The following CDH9 variants were observed in gnomAD, a reference collection of about 807,000 sequenced individuals.
The protein encoded by CDH9 is cadherin 9.
In CDH9, 28 loss-of-function variants were observed where a neutral mutation model predicts 70.9. The observed-to-expected ratio is 0.40, with a 90% CI of 0.29 to 0.54. CDH9 has a LOEUF of 0.54. CDH9 is among the 20% of genes least tolerant of loss of function. CDH9 has a pLI of 0.59. For synonymous variants in CDH9, 409 were observed against 343.1 expected, an observed-to-expected ratio of 1.19 and a Z score of -2.12; for missense variants, 874 against 984.4, an observed-to-expected ratio of 0.89 and a Z score of 1.50.
rs796524356 is a variant in CDH9 at position 26,972,875 on chromosome 5, T to C, written c.228+15231A>G. Among the ~76,000 whole-genome samples the C allele has an allele frequency of 9.2e-5, 14 of 152,080 alleles. 1 individual carries two copies. Among genetic ancestry groups the C allele is most frequent in the African/African-American group, 3.4e-4 (14 of 41,492 alleles). On this transcript the variant is annotated intron_variant, in intron 2 of 11. Coordinates refer to ENST00000231021, the MANE Select transcript of CDH9 (RefSeq NM_016279.4). ...TAATAGTAAACTCAGATTTTTTTTTTTTTTTTGAAATGAAGTCTCGCTCTG... is the reference window on the plus strand; with the variant it reads ...TAATAGTAAACTCAGATTTTTTTTTCTTTTTTGAAATGAAGTCTCGCTCTG...
chr5:26,938,468 T>C (rs1222239590), intron 2 of CDH9, among the ~76,000 whole-genome samples: 2 of 151,928 alleles, frequency 1.3e-5, no homozygotes, highest in Non-Finnish European at 2.9e-5. Context: ...ACTATATATA[T>C]AATAGAAAAG....
intron 1 of CDH9, among the ~76,000 whole-genome samples, chr5:27,008,310 T>A (rs1320373910): frequency 6.6e-6 from 1 of 151,944 alleles, no homozygotes; most frequent in South Asian, 2.1e-4. Flanking sequence ...GCCAACATGA[T>A]GAAACCCCAT....
At chr5:26,983,936 T>C (rs1180501911) in intron 2 of CDH9, among the ~76,000 whole-genome samples, 2 of 152,156 alleles carry the variant, frequency 1.3e-5, no homozygotes, top group African/African-American at 4.8e-5. Flanking sequence ...ATATTAATAC[T>C]TAGTGCACAA....
intron 7 of CDH9, among the ~76,000 whole-genome samples, chr5:26,899,815 CT>C (rs1740820617): frequency 6.6e-6 from 1 of 150,828 alleles, no homozygotes; most frequent in African/African-American, 2.4e-5. Flanking sequence ...ACGTGTATAT[CT>C]ATGTAACAAA....
At chr5:27,035,449 A>AATAAAAAT (rs1361701483) in intron 1 of CDH9, among the ~76,000 whole-genome samples, 1 of 151,764 alleles carries the variant, frequency 6.6e-6, no homozygotes, top group Non-Finnish European at 1.5e-5. Context: ...TATGTTCTAC[A>AATAAAAAT]ATAAAAATGA....
chr5:26,990,370 A>G (rs1180812872), intron 1 of CDH9, among the ~76,000 whole-genome samples: 1 of 152,188 alleles, frequency 6.6e-6, no homozygotes, highest in African/African-American at 2.4e-5. Flanking sequence ...TAATGCAAAC[A>G]TATGGTTACA....
intron 1 of CDH9, among the ~76,000 whole-genome samples, chr5:27,008,049 A>G (rs565012056): frequency 6.6e-6 from 1 of 152,230 alleles, no homozygotes; most frequent in East Asian, 1.9e-4. Context: ...CTGAATGAAC[A>G]GTAAACCTGG....
At chr5:26,963,507 T>G (rs1742075189) in intron 2 of CDH9, among the ~76,000 whole-genome samples, 2 of 152,176 alleles carry the variant, frequency 1.3e-5, no homozygotes, top group Non-Finnish European at 2.9e-5. Flanking sequence ...TTTTATAACT[T>G]ATTGAAAAGT....
intron 8 of CDH9, 32 bp downstream of exon 8, chr5:26,890,396 A>C: frequency 6.3e-7 from 1 of 1,596,528 alleles, no homozygotes; most frequent in Non-Finnish European, 8.6e-7. Flanking sequence ...GATGAAAGAC[A>C]GTGTCTTCGG....
chr5:26,911,314 T>C (rs1433766153), intron 3 of CDH9, among the ~76,000 whole-genome samples: 1 of 152,174 alleles, frequency 6.6e-6, no homozygotes, highest in Non-Finnish European at 1.5e-5. Context: ...ATATATTTGG[T>C]CAAGAATTTT....
intron 6 of CDH9, chr5:26,903,424 C>G (rs1471475137): frequency 3.1e-6 from 2 of 653,324 alleles, no homozygotes; most frequent in African/African-American, 3.7e-5. Flanking sequence ...TGACTGTTTT[C>G]TAGTTTTAGC....
At chr5:26,990,232 G>A (rs2112094040) in intron 1 of CDH9, among the ~76,000 whole-genome samples, 2 of 152,286 alleles carry the variant, frequency 1.3e-5, no homozygotes, top group South Asian at 4.1e-4. Flanking sequence ...TCAGCAGAAA[G>A]AAGAATGGTA....
intron 2 of CDH9, among the ~76,000 whole-genome samples, chr5:26,930,588 A>C (rs1425152956): frequency 6.6e-6 from 1 of 152,148 alleles, no homozygotes; most frequent in Non-Finnish European, 1.5e-5. Flanking sequence ...TCAGTTGGAC[A>C]TATGCATAGA....
In CDH9 at chr5:26,885,826, C is replaced by T; in HGVS notation, c.1670G>A (p.Ser557Asn). Residue 557 changes from serine to asparagine, a missense_variant, in exon 11 of 12, where the codon AGT becomes AAT. Coordinates refer to ENST00000231021, the MANE Select transcript of CDH9 (RefSeq NM_016279.4). ...AGIMTRKDGYSRNKMSTYLLP... is the reference protein window; with the variant it reads ...AGIMTRKDGYNRNKMSTYLLP... ...TAAGTAGGTGCTCATTTTGTTGCGA[C>T]TGTAGCCATCTTTCCGAGTCATGAT... 6.2e-7 allele frequency: 1 copy of T among 1,613,844 alleles called. No homozygotes were observed. Among genetic ancestry groups the T allele is most frequent in the Non-Finnish European group, 8.5e-7 (1 of 1,179,872 alleles).
chr5:26,981,915 C>A (rs1016896443), intron 2 of CDH9, among the ~76,000 whole-genome samples: 5 of 152,050 alleles, frequency 3.3e-5, no homozygotes, highest in African/African-American at 1.2e-4. Context: ...TGGTTTTTAA[C>A]AGGGAGCACA....
At chr5:26,886,152 A>G (rs72744728) in intron 9 of CDH9, 69 bp from the exon 10 acceptor site, 184,625 of 1,485,024 alleles carry the variant, frequency 0.12, 13,286 homozygotes, top group Non-Finnish European at 0.14. Context: ...AAGATATCTT[A>G]AATCCATGTA....
chr5:26,885,293 C>A (rs1016020546), intron 11 of CDH9, among the ~76,000 whole-genome samples: 1 of 151,984 alleles, frequency 6.6e-6, no homozygotes, highest in Non-Finnish European at 1.5e-5. Flanking sequence ...ACAGTTGATG[C>A]AAAGATGAAA....
chr5:27,020,439 T>C (rs1743117807), intron 1 of CDH9, among the ~76,000 whole-genome samples: 1 of 151,606 alleles, frequency 6.6e-6, no homozygotes, highest in Non-Finnish European at 1.5e-5. Flanking sequence ...TATACTTAAT[T>C]ACTGCAGAAT....
chr5:26,991,160 T>C (rs1018128247), intron 1 of CDH9, among the ~76,000 whole-genome samples: 2 of 152,134 alleles, frequency 1.3e-5, no homozygotes, highest in African/African-American at 4.8e-5. Flanking sequence ...TTACTTCTAG[T>C]CCGGTAAGAG....
Sources: gnomAD v4.1 joint callset for allele counts (sites outside exome capture counted in the v4.1 genomes callset) on GRCh38, gnomAD v4.1.1 for gene constraint, MANE v1.5 for transcripts, NCBI Gene and HGNC (gene_info 2026-07-23, HGNC 2026-07-21) for gene names.